ANXA13: variants seen among roughly 807,000 people sequenced by gnomAD.
ANXA13 encodes annexin XIII.
A neutral mutation model predicts 46.6 loss-of-function variants in ANXA13; 36 were observed. The ratio of observed to expected loss-of-function variants is 0.77; its 90% CI spans 0.59 to 1.02. The LOEUF (loss-of-function observed/expected upper bound fraction) is 1.02. Ranked by LOEUF, ANXA13 falls within the 50% of genes least tolerant of loss-of-function variation. ANXA13 has a pLI of 0.00. For synonymous variants in ANXA13, 163 were observed against 152.9 expected (o/e 1.07, Z -0.49); for missense variants, 417 against 396.5 (o/e 1.05, Z -0.44).
intron 2 of ANXA13, among the ~76,000 whole-genome samples, chr8:123,706,408 G>A (rs1251365262): frequency 6.6e-6 from 1 of 152,214 alleles, no homozygotes; most frequent in African/African-American, 2.4e-5. Flanking sequence ...AAGCCCGGAA[G>A]GAGCCTTTCT....
intron 9 of ANXA13, among the ~76,000 whole-genome samples, chr8:123,686,141 A>G (rs1813136375): frequency 6.6e-6 from 1 of 152,138 alleles, no homozygotes; most frequent in African/African-American, 2.4e-5. Context: ...ATCTCTCAAA[A>G]GGCTGGGCAG....
intron 6 of ANXA13, among the ~76,000 whole-genome samples, chr8:123,695,229 C>A (rs1011785848): frequency 6.6e-6 from 1 of 151,744 alleles, no homozygotes; most frequent in East Asian, 1.9e-4. Flanking sequence ...TCCTCACTGG[C>A]AAAATGACAA....
intron 2 of ANXA13, chr8:123,712,260 C>T (rs1015998127): frequency 5.2e-5 from 10 of 191,664 alleles, no homozygotes; most frequent in Non-Finnish European, 1.1e-4. Context: ...CTCTGCTCTT[C>T]CTTTGTCTTC....
In ANXA13 at chr8:123,695,691, T is replaced by C. The variant is rs769530860; in HGVS notation, c.388A>G (p.Arg130Gly). 1.2e-6 allele frequency: 2 copies of C among 1,613,654 alleles called. No individual in the cohort carries two copies. The highest frequency in any genetic ancestry group is 2.7e-5 in the African/African-American group (2 of 74,902). Residue 130 changes from arginine (R) to glycine (G), a missense_variant, in exon 5 of 11, where the codon AGG becomes GGG. Coordinates refer to ENST00000419625, the MANE Select transcript of ANXA13 (RefSeq NM_004306.4). ...EIIAIKEAYQRLFDRSLESDV... is the reference protein window; with the variant it reads ...EIIAIKEAYQGLFDRSLESDV... ...GCCAGAATGAAAAGTCACTTACGCC[T>C]TTGGTAGGCCTCTTTAATGGCGATG...
intron 3 of ANXA13, among the ~76,000 whole-genome samples, chr8:123,701,229 C>T (rs922293105): frequency 7.2e-5 from 11 of 152,284 alleles, no homozygotes; most frequent in African/African-American, 2.6e-4. Context: ...AATCCTGGCA[C>T]TTTGGGCTGA....
At chr8:123,688,846 A>G in intron 9 of ANXA13, 25 bp downstream of exon 9, 5 of 1,608,290 alleles carry the variant, frequency 3.1e-6, no homozygotes, top group Non-Finnish European at 4.3e-6. Context: ...AACCTAAGAC[A>G]GGAGCTCTCC....
chr8:123,685,650 G>A (rs1813126414), intron 9 of ANXA13, among the ~76,000 whole-genome samples: 1 of 152,224 alleles, frequency 6.6e-6, no homozygotes, highest in Admixed American at 6.5e-5. Flanking sequence ...GACTGTCTGT[G>A]TGATTGATGC....
intron 1 of ANXA13, among the ~76,000 whole-genome samples, chr8:123,733,173 A>G (rs1158340545): frequency 6.6e-6 from 1 of 151,778 alleles, no homozygotes; most frequent in East Asian, 1.9e-4. Context: ...AAAAAAAAGT[A>G]ATATTTCCTA....
intron 1 of ANXA13, among the ~76,000 whole-genome samples, chr8:123,714,519 G>A (rs749833122): frequency 2.3e-4 from 35 of 152,290 alleles, no homozygotes; most frequent in Non-Finnish European, 3.7e-4. Context: ...GTGTCCTTGG[G>A]CTTCCCCGTT....
intron 1 of ANXA13, among the ~76,000 whole-genome samples, chr8:123,713,658 T>C (rs963458556): frequency 6.6e-6 from 1 of 152,178 alleles, no homozygotes; most frequent in African/African-American, 2.4e-5. Flanking sequence ...CTTTGCCTTT[T>C]CTCATGGAGC....
At chr8:123,693,629 G>T (rs751436970) in intron 7 of ANXA13, 82 bp downstream of exon 7, 5 of 1,236,830 alleles carry the variant, frequency 4.0e-6, no homozygotes, top group Admixed American at 2.0e-5. Flanking sequence ...ACTCCTCTTT[G>T]CATGAAATAA....
chr8:123,702,842 G>T, intron 2 of ANXA13, 106 bp from the exon 3 acceptor site: 1 of 1,016,588 alleles, frequency 9.8e-7, no homozygotes. Context: ...AAAGGTGGTT[G>T]GAGGTGTCTA....
intron 9 of ANXA13, 80 bp from the exon 10 acceptor site, chr8:123,684,802 G>T (rs1813109966): frequency 1.9e-6 from 2 of 1,030,104 alleles, no homozygotes; most frequent in Non-Finnish European, 3.1e-6. Flanking sequence ...AATGTCACCT[G>T]GCTGCCCTTC....
chr8:123,704,385 A>G (rs1166415480), intron 2 of ANXA13, among the ~76,000 whole-genome samples: 1 of 151,924 alleles, frequency 6.6e-6, no homozygotes, highest in East Asian at 1.9e-4. Flanking sequence ...GTTCTGCAGC[A>G]TTTGAATTCT....
Position 123,698,426 on chromosome 8 carries a change from G to A in ANXA13, c.320C>T (p.Ser107Phe), listed in dbSNP as rs777956701. The A allele has an allele frequency of 3.1e-6, 5 of 1,614,178 alleles. No homozygotes were observed. In the East Asian group the frequency reaches 1.1e-4, roughly 36 times the overall value. ...CGTGCACAGGACCTCAATGAGGACG[G>A]ACTCATCTGTGCCCAGACCCTTCAT... ...KAMKGLGTDESVLIEVLCTRT... is the reference protein window; with the variant it reads ...KAMKGLGTDEFVLIEVLCTRT... Residue 107 changes from serine (S) to phenylalanine (F), a missense_variant, in exon 4 of 11, where the codon TCC becomes TTC. Coordinates refer to ENST00000419625, the MANE Select transcript of ANXA13 (RefSeq NM_004306.4).
At chr8:123,711,068 A>G (rs1353757778) in intron 2 of ANXA13, among the ~76,000 whole-genome samples, 1 of 151,916 alleles carries the variant, frequency 6.6e-6, no homozygotes, top group Non-Finnish European at 1.5e-5. Context: ...TGATCTCCCT[A>G]CTCAGTGGGG....
intron 1 of ANXA13, among the ~76,000 whole-genome samples, chr8:123,733,906 A>G (rs932370998): frequency 2.6e-5 from 4 of 152,188 alleles, no homozygotes; most frequent in Admixed American, 2.6e-4. Context: ...CGCGTTCCAT[A>G]GTCCAGTGCT....
In ANXA13 at chr8:123,681,225, T is replaced by C. The variant is rs558469036; in HGVS notation, c.*15A>G. ...AAGGCGGTTCCACCCTGTGTTCCTA[T>C]TGCCCTGGCTTGGCTCAGTGCAAGA... On this transcript the variant is annotated 3_prime_UTR_variant, in exon 11 of 11. Coordinates refer to ENST00000419625, the MANE Select transcript of ANXA13 (RefSeq NM_004306.4). 9 of 1,593,926 alleles carry C rather than the reference T, an allele frequency of 5.6e-6. No individual in the cohort carries two copies. The highest frequency in any genetic ancestry group is 1.8e-5 in the Admixed American group (1 of 55,784).
At chr8:123,684,842 G>A in intron 9 of ANXA13, 120 bp from the exon 10 acceptor site, 1 of 694,730 alleles carries the variant, frequency 1.4e-6, no homozygotes, top group South Asian at 1.7e-5. Context: ...ACAGAGGTGT[G>A]AAAAGAGCTG....
Sources: gnomAD v4.1 joint callset for allele counts (sites outside exome capture counted in the v4.1 genomes callset) on GRCh38, gnomAD v4.1.1 for gene constraint, MANE v1.5 for transcripts, NCBI Gene and HGNC (gene_info 2026-07-23, HGNC 2026-07-21) for gene names.